The following TAOK3 variants were observed in gnomAD, a reference collection of about 807,000 sequenced individuals.
TAOK3 encodes the protein TAO kinase 3.
Under a neutral mutation model 120.4 loss-of-function variants are expected in TAOK3, and 40 were observed. The observed-to-expected ratio is 0.33, with a 90% CI of 0.26 to 0.43. The LOEUF (loss-of-function observed/expected upper bound fraction) is 0.43, where lower values mean the gene tolerates loss of function less well. Ranked by LOEUF, TAOK3 falls within the 20% of genes least tolerant of loss-of-function variation. TAOK3 has a pLI of 1.00. For missense variants in TAOK3, 821 were observed against 1,112.1 expected (o/e 0.74, Z 3.72); for synonymous variants, 355 against 387.5 (o/e 0.92, Z 0.99).
At chr12:118,219,891 G>A (rs547742128) in intron 9 of TAOK3, among the ~76,000 whole-genome samples, 1 of 148,310 alleles carries the variant, frequency 6.7e-6, no homozygotes, top group South Asian at 2.2e-4. Context: ...TGGGATTATA[G>A]GCATGAGCGA....
At chr12:118,344,890 T>C (rs2044788296) in intron 1 of TAOK3, among the ~76,000 whole-genome samples, 1 of 152,154 alleles carries the variant, frequency 6.6e-6, no homozygotes, top group African/African-American at 2.4e-5. Context: ...AGTCCTTTAT[T>C]GAATCACCCA....
chr12:118,292,074 T>C (rs1275229518), intron 1 of TAOK3, among the ~76,000 whole-genome samples: 1 of 152,228 alleles, frequency 6.6e-6, no homozygotes, highest in African/African-American at 2.4e-5. Context: ...CCCAAAGTGC[T>C]GGGATTACAG....
chr12:118,308,293 A>G (rs201998584), intron 1 of TAOK3, among the ~76,000 whole-genome samples: 2 of 151,814 alleles, frequency 1.3e-5, no homozygotes, highest in Non-Finnish European at 2.9e-5. Flanking sequence ...TTTGTTTAGC[A>G]TATCATCAAG....
At chr12:118,246,366 G>A (rs2040502803) in intron 3 of TAOK3, 1 of 1,600,908 alleles carries the variant, frequency 6.2e-7, no homozygotes, top group Non-Finnish European at 8.5e-7. Flanking sequence ...AGAGATCATT[G>A]ATTTCTTCCT....
intron 1 of TAOK3, among the ~76,000 whole-genome samples, chr12:118,365,548 T>C (rs1185319789): frequency 6.6e-6 from 1 of 152,180 alleles, no homozygotes; most frequent in East Asian, 1.9e-4. Context: ...GCCCATTGTC[T>C]CTTTAGTACC....
intron 1 of TAOK3, among the ~76,000 whole-genome samples, chr12:118,304,284 A>G (rs983494746): frequency 6.6e-6 from 1 of 152,198 alleles, no homozygotes; most frequent in Non-Finnish European, 1.5e-5. Flanking sequence ...TTCCCCCTTT[A>G]ATTTTGGCTC....
rs557174663 is a variant in TAOK3, at chr12:118,191,347, C to A, written c.1195-1406G>T. On this transcript the variant is annotated intron_variant, in intron 13 of 20. Coordinates refer to ENST00000392533, the MANE Select transcript of TAOK3 (RefSeq NM_016281.4). ...ATTATAGCTCAAATAATGAAGGGATCTTTAATAAACTTGCCATTGAGGGCA... is the reference window on the plus strand; with the variant it reads ...ATTATAGCTCAAATAATGAAGGGATATTTAATAAACTTGCCATTGAGGGCA... Among the ~76,000 whole-genome samples the A allele has an allele frequency of 2.6e-5, 4 of 152,306 alleles. No homozygotes were observed. The South Asian group carries it at 8.3e-4, about 32-fold the overall frequency.
intron 19 of TAOK3, among the ~76,000 whole-genome samples, chr12:118,158,623 T>G (rs2035001193): frequency 6.6e-6 from 1 of 152,234 alleles, no homozygotes; most frequent in Non-Finnish European, 1.5e-5. Flanking sequence ...TCCATTAGCA[T>G]GTTCTCTCAT....
chr12:118,368,313 C>CA (rs1157872111), intron 1 of TAOK3, among the ~76,000 whole-genome samples: 1 of 152,048 alleles, frequency 6.6e-6, no homozygotes. Flanking sequence ...TCTCCTGCCT[C>CA]AGCCTCCCGG....
At chr12:118,180,575 G>A (rs1408901798) in intron 15 of TAOK3, among the ~76,000 whole-genome samples, 2 of 152,108 alleles carry the variant, frequency 1.3e-5, no homozygotes, top group East Asian at 3.9e-4. Flanking sequence ...GAACGTGGAT[G>A]GGGACGAGAG....
At chr12:118,221,985 G>A (rs887548465) in intron 9 of TAOK3, among the ~76,000 whole-genome samples, 16 of 151,386 alleles carry the variant, frequency 1.1e-4, no homozygotes, top group Non-Finnish European at 7.4e-5. Flanking sequence ...TACAAACGTT[G>A]AGCTAGCTAC....
chr12:118,273,498 G>C (rs757424288), intron 1 of TAOK3, among the ~76,000 whole-genome samples: 1 of 150,756 alleles, frequency 6.6e-6, no homozygotes, highest in Non-Finnish European at 1.5e-5. Context: ...GCGAGACTCC[G>C]TCTCAAAAAG....
intron 1 of TAOK3, among the ~76,000 whole-genome samples, chr12:118,365,314 C>A (rs1219748400): frequency 2.6e-5 from 4 of 152,140 alleles, no homozygotes; most frequent in Admixed American, 2.0e-4. Context: ...GCTCATGCAA[C>A]CTCCATCTCC....
At chr12:118,353,756 A>C (rs369657689) in intron 1 of TAOK3, among the ~76,000 whole-genome samples, 2 of 152,236 alleles carry the variant, frequency 1.3e-5, no homozygotes, top group Admixed American at 6.5e-5. Context: ...TCTCAGAAAC[A>C]AGGAAAAACA....
chr12:118,311,990 G>A (rs998144171), intron 1 of TAOK3, among the ~76,000 whole-genome samples: 1 of 152,166 alleles, frequency 6.6e-6, no homozygotes, highest in Admixed American at 6.5e-5. Context: ...CAATGGTGGA[G>A]ACGTGGTAAG....
chr12:118,259,864 T>A (rs1270432037), intron 2 of TAOK3, among the ~76,000 whole-genome samples: 2 of 151,802 alleles, frequency 1.3e-5, no homozygotes, highest in Non-Finnish European at 2.9e-5. Flanking sequence ...TTGCAAAGGG[T>A]TCCCCTCAAG....
chr12:118,226,244 C>T (rs1424301129), intron 9 of TAOK3, among the ~76,000 whole-genome samples: 2 of 152,214 alleles, frequency 1.3e-5, no homozygotes, highest in African/African-American at 2.4e-5. Context: ...GGCGTGGTGG[C>T]GGGCACCTGT....
intron 1 of TAOK3, among the ~76,000 whole-genome samples, chr12:118,281,842 AAG>A (rs961187955): frequency 2.0e-5 from 3 of 152,332 alleles, no homozygotes; most frequent in East Asian, 1.9e-4. Context: ...ATTTAGTAAT[AAG>A]AGAGAGACAG....
intron 1 of TAOK3, among the ~76,000 whole-genome samples, chr12:118,290,970 C>T (rs1216005251): frequency 1.3e-5 from 2 of 151,622 alleles, no homozygotes; most frequent in African/African-American, 4.8e-5. Context: ...TCACTGCAAC[C>T]TCTGCCTCTC....
Sources: allele counts gnomAD v4.1 joint callset (sites outside exome capture counted in the v4.1 genomes callset), GRCh38; gene constraint gnomAD v4.1.1; transcripts MANE v1.5; gene names NCBI Gene and HGNC (gene_info 2026-07-23, HGNC 2026-07-21).